The following COL21A1 variants were observed in gnomAD, a reference collection of about 807,000 sequenced individuals.
COL21A1 encodes the protein collagen alpha-1(XXI) chain.
In COL21A1, 149 loss-of-function variants were observed where a neutral mutation model predicts 137.9. The observed-to-expected ratio is 1.08, with a 90% CI of 0.95 to 1.24. The LOEUF is 1.24. Ranked by LOEUF, COL21A1 falls within the 50% of genes most tolerant of loss-of-function variation. The pLI, the probability that COL21A1 is intolerant of heterozygous loss-of-function variation, is 0.00. For missense variants in COL21A1, 1,167 were observed against 1,158.4 expected (o/e 1.01, Z -0.11); for synonymous variants, 456 against 391.5 (o/e 1.16, Z -1.95).
chr6:56,337,566 G>T (rs1483512753), intron 1 of COL21A1, among the ~76,000 whole-genome samples: 1 of 152,190 alleles, frequency 6.6e-6, no homozygotes, highest in Non-Finnish European at 1.5e-5. Context: ...CCTCTCCCTG[G>T]CCATATTGAG....
chr6:56,184,852 T>G (rs1198834494), intron 1 of COL21A1, among the ~76,000 whole-genome samples: 1 of 152,202 alleles, frequency 6.6e-6, no homozygotes, highest in African/African-American at 2.4e-5. Flanking sequence ...AATAGTATTT[T>G]TCTAGGACTT....
intron 16 of COL21A1, among the ~76,000 whole-genome samples, chr6:56,116,885 AT>A (rs1469892437): frequency 6.6e-6 from 1 of 152,082 alleles, no homozygotes; most frequent in African/African-American, 2.4e-5. Flanking sequence ...TTAAGTTGTT[AT>A]CAGTTTAAAA....
At chr6:56,263,905 A>G (rs1336878012) in intron 1 of COL21A1, among the ~76,000 whole-genome samples, 1 of 152,190 alleles carries the variant, frequency 6.6e-6, no homozygotes, top group African/African-American at 2.4e-5. Context: ...ACACCACAAG[A>G]AAATCATAGA....
At chr6:56,083,223 C>G (rs1767942679) in intron 17 of COL21A1, among the ~76,000 whole-genome samples, 1 of 151,904 alleles carries the variant, frequency 6.6e-6, no homozygotes, top group Non-Finnish European at 1.5e-5. Context: ...AGGTTATTGG[C>G]AGAATTCTGT....
At chr6:56,088,347 G>A (rs1042897145) in intron 17 of COL21A1, among the ~76,000 whole-genome samples, 2 of 152,124 alleles carry the variant, frequency 1.3e-5, no homozygotes, top group Non-Finnish European at 2.9e-5. Flanking sequence ...CTGGGCAACA[G>A]AGTGAGACTC....
intron 1 of COL21A1, among the ~76,000 whole-genome samples, chr6:56,343,419 TTAA>T (rs1281673501): frequency 7.9e-5 from 12 of 152,302 alleles, no homozygotes; most frequent in African/African-American, 2.9e-4. Context: ...TGCCAAGCTT[TTAA>T]AAAATTGCAT....
chr6:56,218,302 A>AC (rs1442892132), intron 1 of COL21A1, among the ~76,000 whole-genome samples: 4 of 151,818 alleles, frequency 2.6e-5, no homozygotes, highest in African/African-American at 9.7e-5. Flanking sequence ...TTTGTAAAAA[A>AC]AAAAAGAGTA....
intron 1 of COL21A1, among the ~76,000 whole-genome samples, chr6:56,360,516 G>A (rs1765940894): frequency 6.6e-6 from 1 of 152,126 alleles, no homozygotes; most frequent in South Asian, 2.1e-4. Flanking sequence ...AAATGGAAGG[G>A]GATGGAATAA....
At position 56,286,374 on chromosome 6, in the gene COL21A1, C is replaced by T. The variant is rs568685247; in HGVS notation, c.-38-103718G>A. Among the ~76,000 whole-genome samples the T allele has an allele frequency of 1.8e-4, 28 of 152,242 alleles. 1 individual carries two copies. The highest frequency in any genetic ancestry group is 6.5e-4 in the African/African-American group (27 of 41,546). ...ACATACACGCACACATACCAATACC[C>T]ATGTATACACAAATACACTCATATA... On this transcript the variant is annotated intron_variant, in intron 1 of 28. Coordinates refer to the COL21A1 transcript ENST00000370819.
upstream of COL21A1, among the ~76,000 whole-genome samples, chr6:56,249,793 C>T (rs1782811630): frequency 6.6e-6 from 1 of 152,048 alleles, no homozygotes; most frequent in Non-Finnish European, 1.5e-5. Flanking sequence ...CTCTGGAGTT[C>T]GTGCTGATAG....
chr6:56,225,062 C>A (rs1376972602), intron 1 of COL21A1, among the ~76,000 whole-genome samples: 1 of 151,952 alleles, frequency 6.6e-6, no homozygotes, highest in Non-Finnish European at 1.5e-5. Context: ...AAAAGATTGC[C>A]CTTTTCTCAA....
intron 23 of COL21A1, among the ~76,000 whole-genome samples, chr6:56,066,450 C>T (rs947663530): frequency 6.6e-6 from 1 of 151,810 alleles, no homozygotes; most frequent in Admixed American, 6.6e-5. Context: ...GAGTATTTTT[C>T]TTTATATTTT....
chr6:56,324,892 A>G (rs1240759420), intron 1 of COL21A1, among the ~76,000 whole-genome samples: 1 of 151,922 alleles, frequency 6.6e-6, no homozygotes, highest in Non-Finnish European at 1.5e-5. Flanking sequence ...TCTTGCCCCA[A>G]AGCAGATCAA....
At chr6:56,388,960 G>T (rs1186976558) in intron 1 of COL21A1, among the ~76,000 whole-genome samples, 1 of 152,086 alleles carries the variant, frequency 6.6e-6, no homozygotes, top group Non-Finnish European at 1.5e-5. Context: ...AGAAATCCTG[G>T]AGCTGCAAAA....
At chr6:56,061,939 G>A (rs1249275270) in intron 24 of COL21A1, among the ~76,000 whole-genome samples, 3 of 151,952 alleles carry the variant, frequency 2.0e-5, no homozygotes, top group African/African-American at 4.8e-5. Flanking sequence ...AATGCTGCAG[G>A]TTGAATCATG....
intron 1 of COL21A1, among the ~76,000 whole-genome samples, chr6:56,263,687 A>C (rs919937459): frequency 3.3e-5 from 5 of 152,196 alleles, no homozygotes; most frequent in South Asian, 2.1e-4. Flanking sequence ...GTATTCTAGG[A>C]ACCCACAATT....
At chr6:56,235,066 A>C (rs1285083786) in intron 1 of COL21A1, among the ~76,000 whole-genome samples, 1 of 151,854 alleles carries the variant, frequency 6.6e-6, no homozygotes, top group Non-Finnish European at 1.5e-5. Flanking sequence ...ATTTCCATTC[A>C]TAGCTCTAAG....
In COL21A1 at chr6:56,213,669, C is replaced by T. The variant is rs540163268; in HGVS notation, c.-38-31013G>A. The stretch of plus-strand genomic sequence containing the variant: ...TTTCCCTCCGTAGAGCACTCCTTTA[C>T]GGAAAAAAAAATAGTATATTGTATA... On this transcript the variant is annotated intron_variant, in intron 1 of 29. Coordinates refer to ENST00000244728, the MANE Select transcript of COL21A1 (RefSeq NM_030820.4). 4.6e-4 allele frequency among the ~76,000 whole-genome samples: 69 copies of T among 150,736 alleles called. 2 individuals carry two copies. In the South Asian group the frequency reaches 0.011, roughly 25 times the overall value.
At chr6:56,351,366 C>T (rs1765707557) in intron 1 of COL21A1, among the ~76,000 whole-genome samples, 1 of 152,208 alleles carries the variant, frequency 6.6e-6, no homozygotes, top group Admixed American at 6.5e-5. Context: ...TGTTTCCTTT[C>T]TCTTGTCTCT....
Sources: gnomAD v4.1 joint callset for allele counts (sites outside exome capture counted in the v4.1 genomes callset) on GRCh38, gnomAD v4.1.1 for gene constraint, MANE v1.5 for transcripts, NCBI Gene and HGNC (gene_info 2026-07-23, HGNC 2026-07-21) for gene names.